FAM200B: variants seen among roughly 807,000 people sequenced by gnomAD.
FAM200B encodes the protein protein FAM200B.
FAM200B carries 32 observed loss-of-function variants against 33.1 expected under a neutral mutation model. That is an observed-to-expected ratio of 0.97 (90% confidence interval 0.73 to 1.30). The LOEUF (loss-of-function observed/expected upper bound fraction) is 1.30, where lower values mean the gene tolerates loss of function less well. Ranked by LOEUF, FAM200B falls within the 50% of genes most tolerant of loss-of-function variation. FAM200B has a pLI of 0.00. For missense variants in FAM200B, 741 were observed against 754.0 expected, an observed-to-expected ratio of 0.98 and a Z score of 0.20; for synonymous variants, 240 against 264.8, an observed-to-expected ratio of 0.91 and a Z score of 0.91.
At position 15,688,848 on chromosome 4, in the gene FAM200B, A is replaced by G; in HGVS notation, c.1871A>G (p.Lys624Arg). ...TCCATCTTAACGCAGTTAAAAACAA[A>G]GGAAAGAAATGGGCTGAATTGTGCA... The part of the protein sequence containing the change: ...GFSILTQLKT[K>R]ERNGLNCAAV... The change falls in exon 2 of 2, where the codon AAG becomes AGG. Residue 624 changes from lysine to arginine, a missense_variant. Lys to Arg is a conservative substitution (Grantham distance 26, BLOSUM62 2). Transcript: ENST00000422728. 6.4e-7 allele frequency: 1 copy of G among 1,551,526 alleles called. No individual in the cohort carries two copies. Among genetic ancestry groups the G allele is most frequent in the Non-Finnish European group, 8.7e-7 (1 of 1,146,876 alleles).
At position 15,686,951 on chromosome 4, in the gene FAM200B, A is replaced by G. The variant is rs1013164335; in HGVS notation, c.-27A>G. 4 of 1,196,794 alleles carry G rather than the reference A, an allele frequency of 3.3e-6. No individual in the cohort carries two copies. The South Asian group carries it at 8.2e-5, about 25-fold the overall frequency. The allele number at this position is 1,196,794 out of a possible 1,614,324, so 74.1% of individuals were successfully genotyped here. On this transcript the variant is annotated 5_prime_UTR_variant, in exon 2 of 2. The change abolishes the stop of an existing upstream ORF in the 5' untranslated region. Transcript: ENST00000422728. ...AGTTAGTGCCAATTATAACATTTTAATCAAACTGGAACAAATTGCTATTAA... is the reference window on the plus strand; with the variant it reads ...AGTTAGTGCCAATTATAACATTTTAGTCAAACTGGAACAAATTGCTATTAA...
chr4:15,676,602 T>C, the FAM200B span, among the ~76,000 whole-genome samples: 1 of 152,082 alleles, frequency 6.6e-6, no homozygotes, highest in African/African-American at 2.4e-5. Context: ...TATTAGATAT[T>C]AGATAAAAAT....
chr4:15,678,949 G>C (rs1718095026), upstream of FAM200B, among the ~76,000 whole-genome samples: 1 of 151,908 alleles, frequency 6.6e-6, no homozygotes, highest in Non-Finnish European at 1.5e-5. Context: ...ACTTTTACTG[G>C]TCAGCAGAAA....
chr4:15,652,806 T>G, the FAM200B span, among the ~76,000 whole-genome samples: 1 of 152,210 alleles, frequency 6.6e-6, no homozygotes, highest in Non-Finnish European at 1.5e-5. Flanking sequence ...AGCCCAAATT[T>G]GTACAGTGAA....
chr4:15,645,004 T>TA, the FAM200B span, among the ~76,000 whole-genome samples: 1 of 152,194 alleles, frequency 6.6e-6, no homozygotes, highest in Non-Finnish European at 1.5e-5. Flanking sequence ...CTTCTAAACC[T>TA]AAAATTTCAT....
At chr4:15,664,710 A>G in the FAM200B span, among the ~76,000 whole-genome samples, 1 of 151,606 alleles carries the variant, frequency 6.6e-6, no homozygotes, top group East Asian at 1.9e-4. Flanking sequence ...GGCGCCTGAT[A>G]CCACGCCCGG....
At chr4:15,647,285 A>AAC in the FAM200B span, among the ~76,000 whole-genome samples, 1 of 149,050 alleles carries the variant, frequency 6.7e-6, no homozygotes, top group Admixed American at 6.7e-5. Context: ...CAACAACAAC[A>AAC]AAAAACAATA....
chr4:15,668,438 C>T, the FAM200B span, among the ~76,000 whole-genome samples: 1 of 151,180 alleles, frequency 6.6e-6, no homozygotes, highest in Non-Finnish European at 1.5e-5. Context: ...CAGATTTTGA[C>T]TTTATTCAAA....
the FAM200B span, among the ~76,000 whole-genome samples, chr4:15,666,923 G>A: frequency 2.0e-5 from 3 of 151,550 alleles, no homozygotes; most frequent in Admixed American, 6.6e-5. Flanking sequence ...TTAGCTTGAT[G>A]TAATCATTCC....
chr4:15,676,906 A>G (rs1421192101), upstream of FAM200B, among the ~76,000 whole-genome samples: 1 of 152,244 alleles, frequency 6.6e-6, no homozygotes, highest in Non-Finnish European at 1.5e-5. Context: ...AATCTTAAGA[A>G]AACAAAAAGA....
the FAM200B span, among the ~76,000 whole-genome samples, chr4:15,670,377 A>T: frequency 1.3e-5 from 2 of 152,226 alleles, no homozygotes; most frequent in African/African-American, 4.8e-5. Context: ...TGCATTCTTC[A>T]TCCTTGGCAG....
chr4:15,650,971 C>G, the FAM200B span, among the ~76,000 whole-genome samples: 1 of 152,120 alleles, frequency 6.6e-6, no homozygotes, highest in African/African-American at 2.4e-5. Flanking sequence ...AGTGATAAAT[C>G]AAGTATTACA....
Position 15,686,876 on chromosome 4 carries a change from A to G in FAM200B, c.-102A>G, listed in dbSNP as rs1391832858. 1.3e-5 allele frequency: 7 copies of G among 547,256 alleles called. No homozygotes were observed. The highest frequency in any genetic ancestry group is 2.1e-5 in the Non-Finnish European group (7 of 331,162). 33.9% of individuals were successfully genotyped at this position (547,256 alleles called of 1,614,324 possible). A position where few individuals can be genotyped will look rare whatever the true frequency, so the allele number is the denominator to read the frequency against. On this transcript the variant is annotated 5_prime_UTR_variant, in exon 2 of 2. Coordinates refer to ENST00000422728, the MANE Select transcript of FAM200B (RefSeq NM_001145191.2). ...CGATTCAATTGCAAACTTTGAGTGT[A>G]GTTTTTGAAAAGATGTTATTTAGAC...
At chr4:15,657,960 T>C in the FAM200B span, among the ~76,000 whole-genome samples, 1 of 152,204 alleles carries the variant, frequency 6.6e-6, no homozygotes, top group African/African-American at 2.4e-5. Flanking sequence ...GAATAAGGCA[T>C]GTGAACAGAG....
At chr4:15,660,166 A>C in the FAM200B span, among the ~76,000 whole-genome samples, 1 of 151,796 alleles carries the variant, frequency 6.6e-6, no homozygotes, top group Non-Finnish European at 1.5e-5. Flanking sequence ...GCAGCCTCAA[A>C]CTCCTAGGCT....
At position 15,687,665 on chromosome 4, in the gene FAM200B, G is replaced by A. The variant is rs1172887063; in HGVS notation, c.688G>A (p.Asp230Asn). The change falls in exon 2 of 2, where the codon GAT becomes AAT. Residue 230 changes from aspartate (D) to asparagine (N), a missense_variant. Asp to Asn is a conservative substitution (Grantham distance 23). Coordinates refer to ENST00000422728, the MANE Select transcript of FAM200B (RefSeq NM_001145191.2). ...TGGTATAGATTTTGCAATCCAGCTT[G>A]ATGAAAGCACTGATATTGGAAGCTG... Reference protein sequence around the residue: ...QSGIDFAIQLDESTDIGSCTT... With the variant: ...QSGIDFAIQLNESTDIGSCTT... 1.3e-6 allele frequency: 2 copies of A among 1,551,196 alleles called. No homozygotes were observed. Among genetic ancestry groups the A allele is most frequent in the East Asian group, 4.9e-5 (2 of 40,882 alleles).
chr4:15,644,509 C>A, the FAM200B span: 1 of 1,611,320 alleles, frequency 6.2e-7, no homozygotes, highest in South Asian at 1.1e-5. Flanking sequence ...ATTCTTCAGT[C>A]CCTTTTCAAA....
the FAM200B span, among the ~76,000 whole-genome samples, chr4:15,661,188 T>C: frequency 6.6e-6 from 1 of 152,230 alleles, no homozygotes; most frequent in Non-Finnish European, 1.5e-5. Flanking sequence ...ACCAAGGTGA[T>C]TCTTTGGACT....
chr4:15,681,684 C>T (rs1194620788), upstream of FAM200B: 2 of 152,820 alleles, frequency 1.3e-5, no homozygotes, highest in African/African-American at 4.8e-5. Context: ...AAAAGTGGAG[C>T]CTGCACCGCC....
Sources: gnomAD v4.1 joint callset for allele counts (sites outside exome capture counted in the v4.1 genomes callset) on GRCh38, gnomAD v4.1.1 for gene constraint, MANE v1.5 for transcripts, NCBI Gene and HGNC (gene_info 2026-07-23, HGNC 2026-07-21) for gene names.